PLPPR1: variants seen among roughly 807,000 people sequenced by gnomAD.
The protein encoded by PLPPR1 is phospholipid phosphatase-related protein type 1.
PLPPR1 carries 10 observed loss-of-function variants against 33.1 expected under a neutral mutation model. The observed-to-expected ratio is 0.30, with a 90% CI of 0.19 to 0.51. PLPPR1 has a LOEUF of 0.51. Among genes scored for constraint, PLPPR1 ranks in the 20% least tolerant of loss-of-function variants. The pLI, the probability that PLPPR1 is intolerant of heterozygous loss-of-function variation, is 0.97. For synonymous variants in PLPPR1, 151 were observed against 151.0 expected (o/e 1.00, Z 0.00); for missense variants, 304 against 408.1 (o/e 0.74, Z 2.20).
At chr9:101,073,652 G>T (rs1246162292) in intron 1 of PLPPR1, among the ~76,000 whole-genome samples, 1 of 152,090 alleles carries the variant, frequency 6.6e-6, no homozygotes, top group Non-Finnish European at 1.5e-5. Flanking sequence ...CTTTTCGTAT[G>T]GGCTTTGATG....
chr9:101,207,222 A>T (rs1345628095), intron 2 of PLPPR1, among the ~76,000 whole-genome samples: 1 of 152,240 alleles, frequency 6.6e-6, no homozygotes. Context: ...CCTTTAAAAA[A>T]AATCTAAATA....
rs181220844 is a variant in PLPPR1, at chr9:101,085,191, G to T, written c.-46+56089G>T. Among the ~76,000 whole-genome samples the T allele has an allele frequency of 1.2e-3, 184 of 152,252 alleles. 1 individual carries two copies. Among genetic ancestry groups the T allele is most frequent in the Non-Finnish European group, 7.6e-4 (52 of 68,022 alleles). On this transcript the variant is annotated intron_variant, in intron 1 of 7. Transcript: ENST00000374874. The stretch of plus-strand genomic sequence containing the variant: ...CAGAAACAGACACAAGAGGGAGGGG[G>T]TGAAAAAGAGTCCAGATGGCATTCA...
At chr9:101,060,402 A>C (rs956843913) in intron 1 of PLPPR1, among the ~76,000 whole-genome samples, 1 of 152,040 alleles carries the variant, frequency 6.6e-6, no homozygotes, top group African/African-American at 2.4e-5. Flanking sequence ...ATTGTACGTC[A>C]TAGTGACTAC....
intron 2 of PLPPR1, among the ~76,000 whole-genome samples, chr9:101,232,687 T>C (rs1302159769): frequency 6.6e-6 from 1 of 151,912 alleles, no homozygotes; most frequent in Non-Finnish European, 1.5e-5. Flanking sequence ...CCTGCTGAGC[T>C]ACATCTGTGT....
At chr9:101,217,178 T>G (rs1345161856) in intron 2 of PLPPR1, among the ~76,000 whole-genome samples, 1 of 152,108 alleles carries the variant, frequency 6.6e-6, no homozygotes, top group African/African-American at 2.4e-5. Flanking sequence ...TGTCTGATCT[T>G]TGAGGTAGTA....
rs569420550 is a variant in PLPPR1 at position 101,127,309 on chromosome 9, G to A, written c.-45-58141G>A. Among the ~76,000 whole-genome samples the A allele has an allele frequency of 2.2e-4, 34 of 152,324 alleles. No homozygotes were observed. The South Asian group carries it at 7.0e-3, about 32-fold the overall frequency. On this transcript the variant is annotated intron_variant, in intron 1 of 7. Coordinates refer to ENST00000374874, the MANE Select transcript of PLPPR1 (RefSeq NM_207299.2). ...TGATCAGACCCAACACCAGGTCATG[G>A]GGGCAACGAAGTCCGGCGGAGTCTA... is the stretch of plus-strand genomic sequence containing the variant.
rs79979952 is a variant in PLPPR1, at chr9:101,035,500, C to T, written c.-46+6398C>T. 5.3e-3 allele frequency among the ~76,000 whole-genome samples: 805 copies of T among 152,258 alleles called. 10 individuals carry two copies. Among genetic ancestry groups the T allele is most frequent in the African/African-American group, 0.019 (770 of 41,560 alleles). ...CCTTTCGCCATGCTGTTCCCTCTTT[C>T]TGGAATTCCGTCCTTGTCTTCCCCT... On this transcript the variant is annotated intron_variant, in intron 1 of 7. Coordinates refer to ENST00000374874, the MANE Select transcript of PLPPR1 (RefSeq NM_207299.2).
At chr9:101,109,464 T>G (rs909286824) in intron 1 of PLPPR1, among the ~76,000 whole-genome samples, 1 of 152,222 alleles carries the variant, frequency 6.6e-6, no homozygotes, top group Non-Finnish European at 1.5e-5. Context: ...TCATGTTTCG[T>G]ATATCTAAGA....
At chr9:101,119,579 G>A (rs1450482431) in intron 1 of PLPPR1, among the ~76,000 whole-genome samples, 2 of 152,204 alleles carry the variant, frequency 1.3e-5, no homozygotes, top group Non-Finnish European at 2.9e-5. Flanking sequence ...TAGAGATATT[G>A]AGGAGCTGGC....
intron 3 of PLPPR1, among the ~76,000 whole-genome samples, chr9:101,281,314 G>T (rs758039638): frequency 6.6e-6 from 1 of 152,024 alleles, no homozygotes; most frequent in African/African-American, 2.4e-5. Flanking sequence ...GAAGAATATT[G>T]TTAAAATGCC....
intron 3 of PLPPR1, among the ~76,000 whole-genome samples, chr9:101,280,650 T>G (rs907199288): frequency 6.6e-6 from 1 of 152,120 alleles, no homozygotes; most frequent in African/African-American, 2.4e-5. Flanking sequence ...ATGTGATACA[T>G]CATATCAGAA....
chr9:101,051,914 C>T (rs1830228070), intron 1 of PLPPR1, among the ~76,000 whole-genome samples: 1 of 151,904 alleles, frequency 6.6e-6, no homozygotes, highest in African/African-American at 2.4e-5. Context: ...ATGATATTAC[C>T]CTATACATAT....
At chr9:101,243,396 G>A (rs959525479) in intron 2 of PLPPR1, among the ~76,000 whole-genome samples, 1 of 151,972 alleles carries the variant, frequency 6.6e-6, no homozygotes, top group African/African-American at 2.4e-5. Flanking sequence ...GAAGTGATGA[G>A]GGCCTGAATT....
At chr9:101,199,949 T>C (rs1189214892) in intron 2 of PLPPR1, among the ~76,000 whole-genome samples, 1 of 152,096 alleles carries the variant, frequency 6.6e-6, no homozygotes, top group Non-Finnish European at 1.5e-5. Context: ...ACTAAATGAA[T>C]AAAGAACCTC....
intron 1 of PLPPR1, among the ~76,000 whole-genome samples, chr9:101,170,288 G>C (rs1211943263): frequency 6.6e-6 from 1 of 152,166 alleles, no homozygotes; most frequent in African/African-American, 2.4e-5. Context: ...TGGGTAATTT[G>C]TAAAGGAAAG....
chr9:101,267,029 A>G (rs923989803), intron 2 of PLPPR1, among the ~76,000 whole-genome samples: 2 of 152,166 alleles, frequency 1.3e-5, no homozygotes, highest in African/African-American at 4.8e-5. Context: ...GATGAAGCCA[A>G]GAGAGACAAA....
chr9:101,228,150 A>G (rs1391741513), intron 2 of PLPPR1, among the ~76,000 whole-genome samples: 2 of 152,162 alleles, frequency 1.3e-5, no homozygotes, highest in African/African-American at 4.8e-5. Context: ...ATACTTTGTT[A>G]TTGCTGTCAG....
chr9:101,051,074 C>A (rs562195982), intron 1 of PLPPR1, among the ~76,000 whole-genome samples: 2 of 152,144 alleles, frequency 1.3e-5, no homozygotes, highest in East Asian at 1.9e-4. Context: ...ACTTTTCCAG[C>A]GTATCTCACT....
intron 1 of PLPPR1, among the ~76,000 whole-genome samples, chr9:101,070,251 T>G (rs1977504): frequency 0.025 from 3,845 of 152,152 alleles, 85 homozygotes; most frequent in East Asian, 0.082. Flanking sequence ...TCTCCCTCAT[T>G]TATTTACTTA....
Sources: gnomAD v4.1 joint callset for allele counts (sites outside exome capture counted in the v4.1 genomes callset) on GRCh38, gnomAD v4.1.1 for gene constraint, MANE v1.5 for transcripts, NCBI Gene and HGNC (gene_info 2026-07-23, HGNC 2026-07-21) for gene names.